Variants in CEP128 observed in about 807,000 individuals in gnomAD.
The protein encoded by CEP128 is centrosomal protein 128.
Under a neutral mutation model 156.7 loss-of-function variants are expected in CEP128, and 132 were observed. The observed-to-expected ratio is 0.84, with a 90% CI of 0.73 to 0.97. The LOEUF (loss-of-function observed/expected upper bound fraction) is 0.97, where lower values mean the gene tolerates loss of function less well. CEP128 is among the 50% of genes least tolerant of loss of function. CEP128 has a pLI of 0.00. For synonymous variants in CEP128, 469 were observed against 448.9 expected, an observed-to-expected ratio of 1.04 and a Z score of -0.57; for missense variants, 1,252 against 1,281.9, an observed-to-expected ratio of 0.98 and a Z score of 0.36.
chr14:80,855,046 C>G (rs1566672606), intron 9 of CEP128, among the ~76,000 whole-genome samples: 1 of 152,086 alleles, frequency 6.6e-6, no homozygotes, highest in Admixed American at 6.6e-5. Flanking sequence ...AAGTGTGGCT[C>G]AAAATAAGCC....
intron 23 of CEP128, among the ~76,000 whole-genome samples, chr14:80,511,346 G>A (rs962313014): frequency 1.6e-4 from 25 of 151,852 alleles, no homozygotes; most frequent in Non-Finnish European, 2.9e-5. Flanking sequence ...TAGGTTGTAT[G>A]TGTCCAGAAT....
intron 19 of CEP128, among the ~76,000 whole-genome samples, chr14:80,665,323 CTAAT>C (rs1375983695): frequency 3.3e-5 from 5 of 149,402 alleles, no homozygotes; most frequent in Middle Eastern, 3.4e-3. Flanking sequence ...AAAACAAAAT[CTAAT>C]TAATTGGTGA....
Position 80,785,247 on chromosome 14 carries a change from T to C in CEP128, c.1859A>G (p.Lys620Arg), listed in dbSNP as rs146140860. 1.5e-4 allele frequency: 250 copies of C among 1,614,210 alleles called. No individual in the cohort carries two copies. In the African/African-American group the frequency reaches 3.0e-3, roughly 19 times the overall value. ...AHLEEEIAEL[K>R]KSQAQDKAKL... is the part of the protein sequence containing the mutation. Reference sequence around the variant, plus strand: ...AGCTTTGTCCTGGGCCTGGCTCTTCTTGAGCTCTGCAATTTCTTCCTCCAA... The same window carrying C: ...AGCTTTGTCCTGGGCCTGGCTCTTCCTGAGCTCTGCAATTTCTTCCTCCAA... Residue 620 changes from lysine (K) to arginine (R), a missense_variant, in exon 15 of 25, where the codon AAG (lysine) becomes AGG (arginine). Physicochemically the swap from Lys to Arg is conservative, Grantham distance 26. Transcript: ENST00000555265.
chr14:80,540,995 C>A (rs61981669), intron 21 of CEP128, among the ~76,000 whole-genome samples: 28,927 of 152,056 alleles, frequency 0.19, 3,105 homozygotes, highest in African/African-American at 0.28. Flanking sequence ...TTTCTCTAAT[C>A]ATATTTTTAT....
intron 2 of CEP128, among the ~76,000 whole-genome samples, chr14:80,936,970 A>T (rs912136353): frequency 5.3e-5 from 8 of 152,060 alleles, no homozygotes; most frequent in African/African-American, 1.4e-4. Flanking sequence ...AAAAATTTAA[A>T]AAAAAAAAAC....
intron 9 of CEP128, among the ~76,000 whole-genome samples, chr14:80,843,521 T>C (rs145259450): frequency 5.3e-5 from 8 of 152,148 alleles, no homozygotes; most frequent in African/African-American, 1.7e-4. Flanking sequence ...ATCAGATTTT[T>C]TTTCCAGTAA....
At chr14:80,873,000 T>C (rs1840948419) in intron 8 of CEP128, among the ~76,000 whole-genome samples, 1 of 152,242 alleles carries the variant, frequency 6.6e-6, no homozygotes, top group South Asian at 2.1e-4. Context: ...GAGACAATCT[T>C]ACTTTGACAG....
chr14:80,792,869 A>C lies in CEP128; in HGVS notation c.1451T>G (p.Leu484Arg). Residue 484 changes from leucine (L) to arginine (R), a missense_variant, in exon 14 of 25, where the codon CTG (leucine) becomes CGG (arginine). Coordinates refer to ENST00000555265, the MANE Select transcript of CEP128 (RefSeq NM_152446.5). ...EAEKRREDLK[L>R]KAQESIRQWK... Reference sequence around the variant, plus strand: ...CTGCCTAATGGATTCTTGAGCTTTCAGTTTCAGGTCTTCCCTCCTCTTCTC... The same window carrying C: ...CTGCCTAATGGATTCTTGAGCTTTCCGTTTCAGGTCTTCCCTCCTCTTCTC... 6.2e-7 allele frequency: 1 copy of C among 1,614,126 alleles called. No homozygotes were observed. The highest frequency in any genetic ancestry group is 2.2e-5 in the East Asian group (1 of 44,878).
chr14:80,878,969 G>A (rs572049939), intron 8 of CEP128, among the ~76,000 whole-genome samples: 85 of 152,212 alleles, frequency 5.6e-4, no homozygotes, highest in Middle Eastern at 3.4e-3. Flanking sequence ...CCACTCTAAG[G>A]AAGACAAAAA....
At position 80,830,330 on chromosome 14, in the gene CEP128, C is replaced by T. The variant is rs1885722916; in HGVS notation, c.1209+813G>A. The T allele has an allele frequency of 6.2e-6, 3 of 485,840 alleles. No homozygotes were observed. In the East Asian group the frequency reaches 9.7e-5, roughly 16 times the overall value. 30.1% of individuals were successfully genotyped at this position (485,840 alleles called of 1,614,324 possible). ...ACAGATGAGTAACATTAAATATTTCCTTTGGGTTATATAAAATTAGGTGCT... is the reference window on the plus strand; with the variant it reads ...ACAGATGAGTAACATTAAATATTTCTTTTGGGTTATATAAAATTAGGTGCT... On this transcript the variant is annotated intron_variant, in intron 13 of 24. Coordinates refer to ENST00000555265, the MANE Select transcript of CEP128 (RefSeq NM_152446.5).
rs572285325 is a variant in CEP128, at chr14:80,692,627, G to A, written c.2806+50448C>T. Among the ~76,000 whole-genome samples, 3 of 152,252 alleles carry A rather than the reference G, an allele frequency of 2.0e-5. No homozygotes were observed. The South Asian group carries it at 6.2e-4, about 32-fold the overall frequency. On this transcript the variant is annotated intron_variant, in intron 19 of 24. Transcript: ENST00000555265. Reference sequence around the variant, plus strand: ...TATTCTTGACTATTTTAAGCAGATTGCAATCTCAGCCAACAACAAATTTTA... The same window carrying A: ...TATTCTTGACTATTTTAAGCAGATTACAATCTCAGCCAACAACAAATTTTA...
At chr14:80,718,047 C>T (rs546149469) in intron 19 of CEP128, among the ~76,000 whole-genome samples, 6 of 152,062 alleles carry the variant, frequency 3.9e-5, no homozygotes, top group South Asian at 2.1e-4. Context: ...TGTTTGTTTT[C>T]GGTTTTTTGA....
At chr14:80,830,336 G>T in intron 13 of CEP128, 1 of 459,286 alleles carries the variant, frequency 2.2e-6, no homozygotes, top group Non-Finnish European at 3.9e-6. Flanking sequence ...TTTCCTTTGG[G>T]TTATATAAAA....
At chr14:80,527,157 A>T in intron 22 of CEP128, 175 bp from the exon 23 acceptor site, 1 of 557,982 alleles carries the variant, frequency 1.8e-6, no homozygotes, top group South Asian at 2.1e-5. Context: ...GGCTACACAC[A>T]GTGGCTCAAA....
At chr14:80,528,479 G>A (rs1460434323) in intron 22 of CEP128, among the ~76,000 whole-genome samples, 1 of 152,184 alleles carries the variant, frequency 6.6e-6, no homozygotes, top group Non-Finnish European at 1.5e-5. Context: ...GTAGAGACGG[G>A]CTTTCACCAT....
chr14:80,647,049 A>ATG (rs1425598200), intron 19 of CEP128, among the ~76,000 whole-genome samples: 2 of 18,328 alleles, frequency 1.1e-4, no homozygotes, highest in African/African-American at 5.3e-4. Context: ...ATATATATAT[A>ATG]TATATATATA....
chr14:80,937,715 G>A (rs1384958526), intron 2 of CEP128, among the ~76,000 whole-genome samples: 2 of 152,072 alleles, frequency 1.3e-5, no homozygotes, highest in African/African-American at 4.8e-5. Context: ...TGAATGTATT[G>A]TAACTACTTT....
At chr14:80,827,363 T>A (rs1885534925) in intron 13 of CEP128, among the ~76,000 whole-genome samples, 1 of 152,232 alleles carries the variant, frequency 6.6e-6, no homozygotes, top group Non-Finnish European at 1.5e-5. Flanking sequence ...AACCCATTTA[T>A]AATCTCAACA....
chr14:80,627,156 G>A (rs1530767), intron 19 of CEP128, among the ~76,000 whole-genome samples: 143,364 of 152,304 alleles, frequency 0.94, 67,515 homozygotes, highest in East Asian at 0.99. Flanking sequence ...ATATCTCAGA[G>A]TAAGGAAGGG....
Sources: allele counts gnomAD v4.1 joint callset (sites outside exome capture counted in the v4.1 genomes callset), GRCh38; gene constraint gnomAD v4.1.1; transcripts MANE v1.5; gene names NCBI Gene and HGNC (gene_info 2026-07-23, HGNC 2026-07-21).